Variants in RUNX1 observed in about 807,000 individuals in gnomAD.
The protein encoded by RUNX1 is RUNX family transcription factor 1.
Under a neutral mutation model 42.8 loss-of-function variants are expected in RUNX1, and 19 were observed. The observed-to-expected ratio is 0.44, with a 90% CI of 0.31 to 0.65. RUNX1 has a LOEUF of 0.65. Ranked by LOEUF, RUNX1 falls within the 30% of genes least tolerant of loss-of-function variation. The pLI is 0.07. For missense variants in RUNX1, 528 were observed against 672.0 expected (o/e 0.79, Z 2.37); for synonymous variants, 271 against 289.4 (o/e 0.94, Z 0.64).
chr21:34,970,283 C>T (rs1601621378), intron 2 of RUNX1, among the ~76,000 whole-genome samples: 1 of 152,362 alleles, frequency 6.6e-6, no homozygotes, highest in Admixed American at 6.5e-5. Flanking sequence ...ATATTCTACT[C>T]ATCACAGCAG....
Position 34,790,157 on chromosome 21 carries a change from G to C in RUNX1, c.*1978C>G, listed in dbSNP as rs2056416506. ...GCTCTTCTCTAGATAAGAACGACCT[G>C]ACAACATAAGCTGCTTTACTCTTTA... On this transcript the variant is annotated 3_prime_UTR_variant, in exon 9 of 9. Transcript: ENST00000675419. The C allele has an allele frequency of 4.3e-6, 1 of 233,018 alleles. No individual in the cohort carries two copies. The highest frequency in any genetic ancestry group is 2.2e-5 in the African/African-American group (1 of 45,310). 14.4% of individuals were successfully genotyped at this position (233,018 alleles called of 1,614,324 possible). A position where few individuals can be genotyped will look rare whatever the true frequency, so the allele number is the denominator to read the frequency against.
chr21:34,909,343 A>T (rs1336568940), intron 2 of RUNX1, among the ~76,000 whole-genome samples: 3 of 152,164 alleles, frequency 2.0e-5, no homozygotes, highest in Admixed American at 6.5e-5. Flanking sequence ...TATCTTTTAA[A>T]TGTGGAAAAC....
chr21:34,955,977 C>T (rs1037556864), intron 2 of RUNX1, among the ~76,000 whole-genome samples: 13 of 151,986 alleles, frequency 8.6e-5, no homozygotes, highest in Admixed American at 7.9e-4. Flanking sequence ...TCTTTTTTTT[C>T]CTCATGCATA....
chr21:34,974,894 T>C (rs927153313), intron 2 of RUNX1, among the ~76,000 whole-genome samples: 1 of 152,260 alleles, frequency 6.6e-6, no homozygotes, highest in Non-Finnish European at 1.5e-5. Context: ...CATGAATTTA[T>C]TTAATATGTT....
At chr21:34,837,346 G>A (rs564857825) in intron 6 of RUNX1, among the ~76,000 whole-genome samples, 1 of 152,276 alleles carries the variant, frequency 6.6e-6, no homozygotes, top group Admixed American at 6.5e-5. Flanking sequence ...AATGGTGCTG[G>A]AGAGCTGTGA....
intron 2 of RUNX1, among the ~76,000 whole-genome samples, chr21:35,018,905 T>C (rs1335904027): frequency 2.6e-5 from 4 of 152,192 alleles, no homozygotes; most frequent in African/African-American, 9.7e-5. Context: ...CTTAATCTTT[T>C]TGGAGGCCTA....
Position 34,789,037 on chromosome 21 carries a change from A to G in RUNX1, c.*3098T>C, listed in dbSNP as rs2056403520. On this transcript the variant is annotated 3_prime_UTR_variant, in exon 9 of 9. Coordinates refer to ENST00000675419, the MANE Select transcript of RUNX1 (RefSeq NM_001754.5). ...TGCACAGAAACCCAAGGCAGCAGAA[A>G]GGCTGTCTATTTACTCACTGATTGT... 2 of 233,234 alleles carry G rather than the reference A, an allele frequency of 8.6e-6. No homozygotes were observed. The highest frequency in any genetic ancestry group is 2.2e-5 in the African/African-American group (1 of 45,366). The allele number at this position is 233,234 out of a possible 1,614,324, so 14.4% of individuals were successfully genotyped here.
At chr21:34,794,772 C>G (rs1321377294) in intron 8 of RUNX1, among the ~76,000 whole-genome samples, 2 of 152,238 alleles carry the variant, frequency 1.3e-5, no homozygotes, top group East Asian at 3.9e-4. Flanking sequence ...ACATTTTGGG[C>G]CAGATCATGA....
intron 6 of RUNX1, among the ~76,000 whole-genome samples, chr21:34,848,048 T>C (rs540698462): frequency 1.3e-5 from 2 of 152,212 alleles, no homozygotes; most frequent in Non-Finnish European, 2.9e-5. Context: ...GTCTAGAGCA[T>C]GTGCTTTAAT....
chr21:34,996,478 G>C (rs998512078), intron 2 of RUNX1, among the ~76,000 whole-genome samples: 8 of 152,080 alleles, frequency 5.3e-5, no homozygotes, highest in Non-Finnish European at 1.2e-4. Flanking sequence ...GACCTTTTGT[G>C]TCTCTTTCTC....
At chr21:35,022,952 T>C (rs1309336028) in intron 2 of RUNX1, among the ~76,000 whole-genome samples, 1 of 144,026 alleles carries the variant, frequency 6.9e-6, no homozygotes, top group Non-Finnish European at 1.5e-5. Context: ...GATTTTGACC[T>C]TTTTTTTTTT....
chr21:34,928,875 G>A (rs1450731681), intron 2 of RUNX1, among the ~76,000 whole-genome samples: 1 of 149,036 alleles, frequency 6.7e-6, no homozygotes, highest in African/African-American at 2.5e-5. Flanking sequence ...CATTAAAAAA[G>A]AACAGTCTCC....
At chr21:34,881,166 A>G (rs1359358819) in intron 4 of RUNX1, among the ~76,000 whole-genome samples, 1 of 152,196 alleles carries the variant, frequency 6.6e-6, no homozygotes, top group African/African-American at 2.4e-5. Context: ...CTCCCGTTTG[A>G]GAAACAGAAC....
intron 2 of RUNX1, among the ~76,000 whole-genome samples, chr21:35,037,566 G>C (rs953834775): frequency 2.6e-5 from 4 of 152,172 alleles, no homozygotes; most frequent in Non-Finnish European, 4.4e-5. Context: ...ACACCGACCT[G>C]TCCCCTCCAC....
At position 35,049,170 on chromosome 21, in the gene RUNX1, C is replaced by A. The variant is rs550878860; in HGVS notation, c.-62G>T. Reference sequence around the variant, plus strand: ...GGCTGTGGGTTGGTGATGCTCACCACGCTGCGAAACCCTGTGGTTTGCATT... The same window carrying A: ...GGCTGTGGGTTGGTGATGCTCACCAAGCTGCGAAACCCTGTGGTTTGCATT... On this transcript the variant is annotated splice_region_variant and 5_prime_UTR_variant, in exon 1 of 9. Coordinates refer to ENST00000675419, the MANE Select transcript of RUNX1 (RefSeq NM_001754.5). The A allele has an allele frequency of 4.2e-6, 2 of 473,538 alleles. No homozygotes were observed. Among genetic ancestry groups the A allele is most frequent in the East Asian group, 7.6e-5 (2 of 26,442 alleles). The allele number at this position is 473,538 out of a possible 1,614,324, so 29.3% of individuals were successfully genotyped here.
At chr21:35,045,873 C>A (rs1372486104) in intron 2 of RUNX1, among the ~76,000 whole-genome samples, 1 of 152,086 alleles carries the variant, frequency 6.6e-6, no homozygotes, top group Non-Finnish European at 1.5e-5. Context: ...AGAAGACAAG[C>A]AGGGAGTCGG....
At chr21:34,995,051 G>A (rs942895781) in intron 2 of RUNX1, among the ~76,000 whole-genome samples, 3 of 152,218 alleles carry the variant, frequency 2.0e-5, no homozygotes, top group African/African-American at 7.2e-5. Context: ...TGGCATTTAA[G>A]CCCGAAAGGA....
chr21:34,843,408 C>T lies in RUNX1; in HGVS notation c.614-8807G>A, dbSNP rs926979363. 1.3e-5 allele frequency among the ~76,000 whole-genome samples: 2 copies of T among 152,226 alleles called. No individual in the cohort carries two copies. The highest frequency in any genetic ancestry group is 2.1e-4 in the South Asian group (1 of 4,816). ...ACACAGGGACACACATGCATATACA[C>T]ACAGGCAGATATACAGACATGGGGA... On this transcript the variant is annotated intron_variant, in intron 6 of 8. Transcript: ENST00000675419. This position sits in a 1 kb window ranked among gnomAD's most constrained non-coding sequence, Gnocchi z 4.8.
intron 8 of RUNX1, among the ~76,000 whole-genome samples, chr21:34,796,493 G>T (rs968271882): frequency 6.6e-6 from 1 of 152,172 alleles, no homozygotes; most frequent in African/African-American, 2.4e-5. Context: ...AGAAGTGTGG[G>T]GGGAGTTGGG....
Sources: gnomAD v4.1 joint callset for allele counts (sites outside exome capture counted in the v4.1 genomes callset) on GRCh38, gnomAD v4.1.1 for gene constraint, Gnocchi (gnomAD v3.1) non-coding constraint, MANE v1.5 for transcripts, NCBI Gene and HGNC (gene_info 2026-07-23, HGNC 2026-07-21) for gene names.